Variants in POLB observed in about 807,000 individuals in gnomAD.
POLB encodes the protein DNA polymerase beta, also known as 5'-dRP lyase.
In POLB, 37 loss-of-function variants were observed where a neutral mutation model predicts 52.7. The observed-to-expected ratio is 0.70, with a 90% CI of 0.54 to 0.92. POLB has a LOEUF of 0.92. Ranked by LOEUF, POLB falls within the 40% of genes least tolerant of loss-of-function variation. POLB has a pLI of 0.00. For missense variants in POLB, 313 were observed against 400.8 expected (o/e 0.78, Z 1.87); for synonymous variants, 138 against 131.3 (o/e 1.05, Z -0.35).
At chr8:42,349,554 A>G (rs1156500883) in intron 4 of POLB, among the ~76,000 whole-genome samples, 2 of 152,060 alleles carry the variant, frequency 1.3e-5, no homozygotes, top group Admixed American at 1.3e-4. Flanking sequence ...ACACCCAGCT[A>G]ATTTTTTGCA....
rs56100420 is a variant in POLB at position 42,361,356 on chromosome 8, A to T, written c.612A>T (p.Ser204=). 465 of 1,606,410 alleles carry T rather than the reference A, an allele frequency of 2.9e-4. 1 individual carries two copies. The East Asian group carries it at 9.5e-3, about 33-fold the overall frequency. ...LLTHPSFTSE[S]TKQPKLLHQV... ...CCCATCCCAGCTTCACTTCAGAATC[A>T]ACCAAACAGGTGCCTCAGAGTTTAT... Residue 204 remains serine, a synonymous_variant, in exon 10 of 14, where the codon TCA becomes TCT. Coordinates refer to ENST00000265421, the MANE Select transcript of POLB (RefSeq NM_002690.3).
intron 6 of POLB, 105 bp from the exon 7 acceptor site, chr8:42,355,411 A>G (rs1273985196): frequency 1.5e-6 from 1 of 669,744 alleles, no homozygotes; most frequent in African/African-American, 1.8e-5. Flanking sequence ...ATTTCAATGT[A>G]TTTGTTCCCC....
chr8:42,365,527 T>A lies in POLB; in HGVS notation c.708+2829T>A, dbSNP rs189762468. 1.3e-4 allele frequency among the ~76,000 whole-genome samples: 20 copies of A among 152,280 alleles called. No individual in the cohort carries two copies. In the East Asian group the frequency reaches 3.5e-3, roughly 26 times the overall value. The stretch of plus-strand genomic sequence containing the variant: ...CTAAAAACAGTATCTGCTAGACAAG[T>A]TGGATGTTGTGCACAGTAGAAAAGT... On this transcript the variant is annotated intron_variant, in intron 11 of 13. Coordinates refer to ENST00000265421, the MANE Select transcript of POLB (RefSeq NM_002690.3).
At position 42,339,058 on chromosome 8, in the gene POLB, C is replaced by T; in HGVS notation, c.108C>T (p.Tyr36=). The T allele has an allele frequency of 6.2e-7, 1 of 1,612,706 alleles. No homozygotes were observed. Among genetic ancestry groups the T allele is most frequent in the Non-Finnish European group, 8.5e-7 (1 of 1,178,668 alleles). ...ACGTGAGCCAAGCTATCCACAAGTACAATGCTTACAGGTGGGACAGTGCAG... is the reference window on the plus strand; with the variant it reads ...ACGTGAGCCAAGCTATCCACAAGTATAATGCTTACAGGTGGGACAGTGCAG... The part of the protein sequence containing the change: ...EKNVSQAIHK[Y]NAYRKAASVI... Residue 36 remains tyrosine, a synonymous_variant, in exon 2 of 14, where the codon TAC becomes TAT. Transcript: ENST00000265421.
At position 42,350,872 on chromosome 8, in the gene POLB, ATT is replaced by A. The variant is rs34783985; in HGVS notation, c.320+821_320+822del. Among the ~76,000 whole-genome samples the A allele has an allele frequency of 6.3e-3, 929 of 147,898 alleles. 14 individuals carry two copies. The highest frequency in any genetic ancestry group is 0.017 in the African/African-American group (709 of 40,554). On this transcript the variant is annotated intron_variant, in intron 5 of 13. Transcript: ENST00000265421. ...AATTTTCATTGGAAGAATTACAAAA[ATT>A]TTTTTTTTTTTTTAGAGATAGTGTC... is the stretch of plus-strand genomic sequence containing the variant.
chr8:42,351,234 G>A (rs1433125141), intron 5 of POLB, among the ~76,000 whole-genome samples: 2 of 152,148 alleles, frequency 1.3e-5, no homozygotes, highest in East Asian at 1.9e-4. Context: ...TATAGAACAT[G>A]AGTAACCATG....
chr8:42,354,361 G>A (rs1823168173), intron 6 of POLB: 13 of 668,140 alleles, frequency 1.9e-5, no homozygotes, highest in South Asian at 1.9e-4. Flanking sequence ...GTGGCTATAA[G>A]GGGGCTTGTA....
At chr8:42,338,894 C>G in intron 1 of POLB, 118 bp from the exon 2 acceptor site, 1 of 1,007,830 alleles carries the variant, frequency 9.9e-7, no homozygotes, top group Non-Finnish European at 1.6e-6. Flanking sequence ...TTTGGTCTGG[C>G]CCTTGGAGGA....
At position 42,362,678 on chromosome 8, in the gene POLB, A is replaced by C. The variant is rs780764754; in HGVS notation, c.688A>C (p.Lys230Gln). The change falls in exon 11 of 14, where the codon AAG (lysine) becomes CAG (glutamine). Residue 230 changes from lysine (K) to glutamine (Q), a missense_variant. Physicochemically the swap from Lys to Gln is moderately conservative, Grantham distance 53. Around this residue, in one of 3 missense-constraint regions of POLB, gnomAD observed 246 missense variants for 297.6 expected, o/e 0.83. Transcript: ENST00000265421. The stretch of plus-strand genomic sequence containing the variant: ...TCATTTTATCACAGATACCCTGTCA[A>C]AGGGTGAGACAAAGTTCATGGTAAG... ...KVHFITDTLSKGETKFMGVCQ... is the reference protein window; with the variant it reads ...KVHFITDTLSQGETKFMGVCQ... 3.7e-6 allele frequency: 6 copies of C among 1,601,282 alleles called. No individual in the cohort carries two copies. The East Asian group carries it at 1.3e-4, about 36-fold the overall frequency.
intron 2 of POLB, among the ~76,000 whole-genome samples, chr8:42,343,600 A>G (rs1822396439): frequency 7.5e-6 from 1 of 132,522 alleles, no homozygotes. Context: ...GAAGTTATGA[A>G]CAATTTCTAA....
At chr8:42,347,995 G>C (rs1822741551) in intron 3 of POLB, among the ~76,000 whole-genome samples, 1 of 152,098 alleles carries the variant, frequency 6.6e-6, no homozygotes, top group African/African-American at 2.4e-5. Flanking sequence ...TACCAAAGTT[G>C]CAAATTAAAC....
At chr8:42,351,080 G>A (rs182894001) in intron 5 of POLB, among the ~76,000 whole-genome samples, 9 of 152,186 alleles carry the variant, frequency 5.9e-5, no homozygotes, top group African/African-American at 2.2e-4. Flanking sequence ...TCCCTATGTT[G>A]CCTAGGCTGG....
At chr8:42,343,369 T>TAC (rs1554531652) in intron 2 of POLB, among the ~76,000 whole-genome samples, 1 of 36,318 alleles carries the variant, frequency 2.8e-5, no homozygotes, top group Non-Finnish European at 7.4e-5. Context: ...TATATATATA[T>TAC]ACACAAAATT....
intron 4 of POLB, 55 bp from the exon 5 acceptor site, chr8:42,349,952 A>G: frequency 1.7e-6 from 2 of 1,175,656 alleles, no homozygotes; most frequent in Non-Finnish European, 2.5e-6. Flanking sequence ...CAATAAGATC[A>G]TTTAAGTCCT....
chr8:42,339,163 T>G, intron 2 of POLB, 94 bp downstream of exon 2: 1 of 972,984 alleles, frequency 1.0e-6, no homozygotes, highest in South Asian at 1.3e-5. Flanking sequence ...GGATATTTGG[T>G]CCATCTGCAA....
chr8:42,339,518 A>G (rs555569114), intron 2 of POLB: 2 of 157,514 alleles, frequency 1.3e-5, no homozygotes, highest in Non-Finnish European at 2.8e-5. Flanking sequence ...GCCTTATCCT[A>G]TTCATTCTTT....
At chr8:42,347,338 T>C (rs1822689271) in intron 3 of POLB, among the ~76,000 whole-genome samples, 1 of 125,620 alleles carries the variant, frequency 8.0e-6, no homozygotes, top group Non-Finnish European at 1.7e-5. Context: ...TCAGTAATTC[T>C]AGAAATTATT....
intron 11 of POLB, among the ~76,000 whole-genome samples, chr8:42,367,828 T>C (rs975479722): frequency 6.6e-6 from 1 of 152,182 alleles, no homozygotes; most frequent in Non-Finnish European, 1.5e-5. Context: ...TGCATTCAAC[T>C]ATTGGTTTTA....
rs1821990782 is a variant in POLB, at chr8:42,338,606, T to G, written c.-19T>G. The G allele has an allele frequency of 3.7e-6, 6 of 1,612,606 alleles. No individual in the cohort carries two copies. Among genetic ancestry groups the G allele is most frequent in the Non-Finnish European group, 5.1e-6 (6 of 1,178,668 alleles). ...GTCCCTGGTTCTGAACACTCTGGGG[T>G]TCTCGGGTGCAGGCCGCCATGAGCA... On this transcript the variant is annotated 5_prime_UTR_variant, in exon 1 of 14. Transcript: ENST00000265421.
Sources: gnomAD v4.1 joint callset for allele counts (sites outside exome capture counted in the v4.1 genomes callset) on GRCh38, gnomAD v4.1.1 for gene constraint, gnomAD v4.1.1 regional missense constraint, MANE v1.5 for transcripts, NCBI Gene and HGNC (gene_info 2026-07-23, HGNC 2026-07-21) for gene names.